The following SNAP25 variants were observed in gnomAD, a reference collection of about 807,000 sequenced individuals.
SNAP25 encodes the protein synaptosome associated protein 25.
SNAP25 carries 3 observed loss-of-function variants against 28.7 expected under a neutral mutation model. That is an observed-to-expected ratio of 0.10 (90% confidence interval 0.05 to 0.27). SNAP25 has a LOEUF of 0.27. Among genes scored for constraint, SNAP25 ranks in the 10% least tolerant of loss-of-function variants. SNAP25 has a pLI of 1.00. For missense variants in SNAP25, 117 were observed against 278.7 expected (o/e 0.42, Z 4.13); for synonymous variants, 61 against 88.1 (o/e 0.69, Z 1.72).
rs538712363 is a variant in SNAP25, at chr20:10,258,550, G to A, written c.-63-16879G>A. 5.9e-5 allele frequency among the ~76,000 whole-genome samples: 9 copies of A among 152,228 alleles called. No individual in the cohort carries two copies. In the East Asian group the frequency reaches 1.7e-3, roughly 29 times the overall value. ...TTCTCCCAATGTTCTCAGAACATGC[G>A]CTCTGTGTGGCTTACAAAAATCTCC... On this transcript the variant is annotated intron_variant, in intron 1 of 7. Transcript: ENST00000254976.
chr20:10,276,482 G>C (rs1352723693), intron 2 of SNAP25, among the ~76,000 whole-genome samples: 1 of 152,190 alleles, frequency 6.6e-6, no homozygotes, highest in Non-Finnish European at 1.5e-5. Context: ...AACACAAAAA[G>C]AGGAAATCTT....
In SNAP25 at chr20:10,296,970, G is replaced by C. The variant is rs1600784572; in HGVS notation, c.327G>C (p.Gln109His). ...DAYKKAWGNN[Q>H]DGVVASQPAR... ...ACAAAAAAGCCTGGGGCAATAATCA[G>C]GACGGAGTGGTGGCCAGCCAGCCTG... is the stretch of plus-strand genomic sequence containing the variant. Residue 109 changes from glutamine (Q) to histidine (H), a missense_variant, in exon 6 of 8, where the codon CAG becomes CAC. Physicochemically the swap from Gln to His is conservative, Grantham distance 24. Around this residue, in one of 3 missense-constraint regions of SNAP25, gnomAD observed 88 missense variants for 206.9 expected, o/e 0.43. Transcript: ENST00000254976. 1 of 1,614,042 alleles carries C rather than the reference G, an allele frequency of 6.2e-7. No homozygotes were observed. The highest frequency in any genetic ancestry group is 8.5e-7 in the Non-Finnish European group (1 of 1,179,944).
chr20:10,277,796 A>G (rs2063716298), intron 3 of SNAP25, 70 bp downstream of exon 3: 8 of 1,413,886 alleles, frequency 5.7e-6, no homozygotes, highest in Admixed American at 3.4e-5. Context: ...CCTAGTTGCT[A>G]TGATGTTTCC....
intron 7 of SNAP25, among the ~76,000 whole-genome samples, chr20:10,301,326 C>A (rs57792031): frequency 0.12 from 17,864 of 152,154 alleles, 1,368 homozygotes; most frequent in East Asian, 0.36. Context: ...TTGTATCATT[C>A]CTTGAGTGCA....
At chr20:10,264,074 G>C (rs1219959963) in intron 1 of SNAP25, among the ~76,000 whole-genome samples, 2 of 152,108 alleles carry the variant, frequency 1.3e-5, no homozygotes, top group Middle Eastern at 3.2e-3. Context: ...GAGAGATTTA[G>C]GCATAATCAG....
intron 1 of SNAP25, among the ~76,000 whole-genome samples, chr20:10,248,618 A>T (rs1039245416): frequency 3.1e-4 from 47 of 152,284 alleles, no homozygotes; most frequent in African/African-American, 1.1e-3. Context: ...CATTTTTGAG[A>T]TGAGGAAAAT....
intron 1 of SNAP25, among the ~76,000 whole-genome samples, chr20:10,274,242 A>G (rs1471475817): frequency 2.0e-5 from 3 of 152,106 alleles, no homozygotes; most frequent in Non-Finnish European, 4.4e-5. Flanking sequence ...TGGACTGGTC[A>G]CCTTTCAGGA....
Position 10,293,386 on chromosome 20 carries a change from A to G in SNAP25, c.281+108A>G. 1 of 781,746 alleles carries G rather than the reference A, an allele frequency of 1.3e-6. No homozygotes were observed. Among genetic ancestry groups the G allele is most frequent in the South Asian group, 1.6e-5 (1 of 63,402 alleles). 48.4% of individuals were successfully genotyped at this position (781,746 alleles called of 1,614,324 possible). A position where few individuals can be genotyped will look rare whatever the true frequency, so the allele number is the denominator to read the frequency against. On this transcript the variant is annotated intron_variant, in intron 5 of 7. Coordinates refer to ENST00000254976, the MANE Select transcript of SNAP25 (RefSeq NM_130811.4). The surrounding 1 kb of genome is among the most constrained non-coding windows in gnomAD (Gnocchi z 5.6). Reference sequence around the variant, plus strand: ...TAGGCAGGATGAGCATGTGGCATGCAGAACAGATCAATACCGTCTCCAATG... The same window carrying G: ...TAGGCAGGATGAGCATGTGGCATGCGGAACAGATCAATACCGTCTCCAATG...
intron 5 of SNAP25, among the ~76,000 whole-genome samples, chr20:10,294,731 A>T (rs1350324830): frequency 6.6e-6 from 1 of 151,840 alleles, no homozygotes; most frequent in African/African-American, 2.4e-5. Context: ...CTCATCATCC[A>T]TGAAACAAAA....
chr20:10,233,056 C>T (rs1364855504), intron 1 of SNAP25, among the ~76,000 whole-genome samples: 2 of 152,138 alleles, frequency 1.3e-5, no homozygotes, highest in Non-Finnish European at 2.9e-5. Context: ...CTCAAGGATA[C>T]AGTGAGAGAA....
chr20:10,264,564 A>G (rs2063474401), intron 1 of SNAP25, among the ~76,000 whole-genome samples: 1 of 152,194 alleles, frequency 6.6e-6, no homozygotes, highest in Admixed American at 6.5e-5. Flanking sequence ...TGAAAACAAC[A>G]TAGTGGGAAG....
chr20:10,233,318 C>T (rs1229967090), intron 1 of SNAP25, among the ~76,000 whole-genome samples: 1 of 149,104 alleles, frequency 6.7e-6, no homozygotes, highest in Admixed American at 6.6e-5. Context: ...AAGATTCCTT[C>T]CAGACCTGCT....
intron 1 of SNAP25, among the ~76,000 whole-genome samples, chr20:10,225,537 A>G (rs1321962739): frequency 6.6e-6 from 1 of 152,158 alleles, no homozygotes; most frequent in Non-Finnish European, 1.5e-5. Flanking sequence ...TACTGGGCTT[A>G]TGGCTTGCTT....
Position 10,306,312 on chromosome 20 carries a change from T to C in SNAP25, c.*115T>C, listed in dbSNP as rs903924841. 1.2e-5 allele frequency: 10 copies of C among 850,988 alleles called. No individual in the cohort carries two copies. In the African/African-American group the frequency reaches 1.5e-4, roughly 13 times the overall value. The allele number at this position is 850,988 out of a possible 1,614,324, so 52.7% of individuals were successfully genotyped here. On this transcript the variant is annotated 3_prime_UTR_variant, in exon 8 of 8. Transcript: ENST00000254976. Reference sequence around the variant, plus strand: ...CATAACACACATCAGTCCACCCCCATTGTGAATGTTGTCCTGTGTCATCTG... The same window carrying C: ...CATAACACACATCAGTCCACCCCCACTGTGAATGTTGTCCTGTGTCATCTG...
intron 1 of SNAP25, among the ~76,000 whole-genome samples, chr20:10,222,175 A>G (rs961040799): frequency 6.6e-6 from 1 of 152,260 alleles, no homozygotes; most frequent in Non-Finnish European, 1.5e-5. Context: ...CTTGACCTCA[A>G]TAAGTTTAGC....
Position 10,306,945 on chromosome 20 carries a change from A to G in SNAP25, c.*748A>G, listed in dbSNP as rs1433155065. On this transcript the variant is annotated 3_prime_UTR_variant, in exon 8 of 8. Coordinates refer to ENST00000254976, the MANE Select transcript of SNAP25 (RefSeq NM_130811.4). ...CCTGTCAATATATAGAGACTTCTAA[A>G]TCATAATCATCCTTTTTTAAAAAAA... 3 of 152,912 alleles carry G rather than the reference A, an allele frequency of 2.0e-5. No individual in the cohort carries two copies. Among genetic ancestry groups the G allele is most frequent in the African/African-American group, 4.8e-5 (2 of 41,454 alleles). 9.5% of individuals were successfully genotyped at this position (152,912 alleles called of 1,614,324 possible). A position where few individuals can be genotyped will look rare whatever the true frequency, so the allele number is the denominator to read the frequency against.
chr20:10,223,752 G>A (rs2062678504), intron 1 of SNAP25, among the ~76,000 whole-genome samples: 1 of 151,994 alleles, frequency 6.6e-6, no homozygotes, highest in African/African-American at 2.4e-5. Flanking sequence ...CCTCAGAATT[G>A]CTATTATTGC....
At chr20:10,262,585 T>TA (rs3838031) in intron 1 of SNAP25, among the ~76,000 whole-genome samples, 40 of 151,046 alleles carry the variant, frequency 2.6e-4, no homozygotes, top group African/African-American at 4.1e-4. Flanking sequence ...CCATACGTGA[T>TA]AAAAAAAAAA....
At chr20:10,245,140 G>C (rs2063104645) in intron 1 of SNAP25, among the ~76,000 whole-genome samples, 1 of 152,160 alleles carries the variant, frequency 6.6e-6, no homozygotes, top group Non-Finnish European at 1.5e-5. Flanking sequence ...TCCCAGTCTA[G>C]TGTGGCATCC....
Sources: gnomAD v4.1 joint callset for allele counts (sites outside exome capture counted in the v4.1 genomes callset) on GRCh38, gnomAD v4.1.1 for gene constraint, gnomAD v4.1.1 regional missense constraint, Gnocchi (gnomAD v3.1) non-coding constraint, MANE v1.5 for transcripts, NCBI Gene and HGNC (gene_info 2026-07-23, HGNC 2026-07-21) for gene names.